Variants in TMEM181 observed in about 807,000 individuals in gnomAD.
TMEM181 encodes the protein transmembrane protein 181.
Under a neutral mutation model 71.9 loss-of-function variants are expected in TMEM181, and 39 were observed. The ratio of observed to expected loss-of-function variants is 0.54; its 90% CI spans 0.42 to 0.71. The LOEUF is 0.71. Ranked by LOEUF, TMEM181 falls within the 30% of genes least tolerant of loss-of-function variation. The pLI is 0.00. For synonymous variants in TMEM181, 245 were observed against 228.8 expected, an observed-to-expected ratio of 1.07 and a Z score of -0.64; for missense variants, 595 against 583.0, an observed-to-expected ratio of 1.02 and a Z score of -0.21.
At chr6:158,627,522 T>G (rs1165216318) in intron 13 of TMEM181, among the ~76,000 whole-genome samples, 1 of 152,186 alleles carries the variant, frequency 6.6e-6, no homozygotes, top group East Asian at 1.9e-4. Flanking sequence ...GGTTTGGGGA[T>G]GTATCTCTTG....
At chr6:158,583,802 TAAAAA>T (rs1304326583) in intron 3 of TMEM181, 147 bp from the exon 4 acceptor site, 3 of 551,840 alleles carry the variant, frequency 5.4e-6, no homozygotes, top group Middle Eastern at 4.8e-4. Flanking sequence ...TCCATCAAAA[TAAAAA>T]AAAGAAGGAA....
At chr6:158,629,300 T>C (rs1276575309) in intron 14 of TMEM181, among the ~76,000 whole-genome samples, 2 of 152,266 alleles carry the variant, frequency 1.3e-5, no homozygotes, top group African/African-American at 4.8e-5. Flanking sequence ...TAGGGGTCTG[T>C]AATCCAGAAA....
intron 10 of TMEM181, among the ~76,000 whole-genome samples, chr6:158,619,845 G>A (rs2128325418): frequency 6.8e-6 from 1 of 147,268 alleles, no homozygotes; most frequent in South Asian, 2.2e-4. Flanking sequence ...CTCCAGCCTG[G>A]CGACACAGCG....
chr6:158,549,110 C>CTTTTT (rs33969411), intron 1 of TMEM181, among the ~76,000 whole-genome samples: 1 of 67,510 alleles, frequency 1.5e-5, no homozygotes, highest in Non-Finnish European at 2.8e-5. Context: ...GTGCACACTT[C>CTTTTT]TTTTTTTTTT....
upstream of TMEM181, among the ~76,000 whole-genome samples, chr6:158,555,529 G>A (rs1000973464): frequency 1.3e-5 from 2 of 152,174 alleles, no homozygotes; most frequent in African/African-American, 4.8e-5. Context: ...AATAGAGATA[G>A]AGAATTTAGA....
exon 1 of TMEM181, chr6:158,536,692 A>T: frequency 6.5e-7 from 1 of 1,550,380 alleles, no homozygotes; most frequent in Non-Finnish European, 8.7e-7. Flanking sequence ...GCGGCGACAC[A>T]AAGGGTGGAG....
intron 10 of TMEM181, 49 bp downstream of exon 10, chr6:158,608,799 C>G (rs1232557281): frequency 6.3e-7 from 1 of 1,576,496 alleles, no homozygotes; most frequent in Non-Finnish European, 8.7e-7. Context: ...AAGCATTTGA[C>G]AAAAGTGGAA....
At chr6:158,607,521 T>G (rs1171042650) in intron 8 of TMEM181, among the ~76,000 whole-genome samples, 178 bp downstream of exon 8, 1 of 151,930 alleles carries the variant, frequency 6.6e-6, no homozygotes, top group Non-Finnish European at 1.5e-5. Context: ...AAAATAAAAT[T>G]TAGCTGGGCA....
At chr6:158,631,753 G>T in intron 16 of TMEM181, 57 bp from the exon 17 acceptor site, 1 of 1,520,866 alleles carries the variant, frequency 6.6e-7, no homozygotes, top group South Asian at 1.2e-5. Context: ...CAGTGTGGAA[G>T]AGGAAAATAA....
intron 3 of TMEM181, among the ~76,000 whole-genome samples, chr6:158,582,665 TA>T (rs1010040172): frequency 6.6e-6 from 1 of 151,386 alleles, no homozygotes. Context: ...GACCCTGTCT[TA>T]AAAAAGAAAA....
rs1784394703 is a variant in TMEM181 at position 158,596,443 on chromosome 6, C to T, written c.492+6661C>T. Among the ~76,000 whole-genome samples, 3 of 152,264 alleles carry T rather than the reference C, an allele frequency of 2.0e-5. No individual in the cohort carries two copies. The South Asian group carries it at 6.2e-4, about 32-fold the overall frequency. On this transcript the variant is annotated intron_variant, in intron 6 of 16. Transcript: ENST00000684151. Reference sequence around the variant, plus strand: ...CCTTGGGAAATCTTAGTTCTGAGTTCTGCATTCCTGGAGTCTGGGCTCCAT... The same window carrying T: ...CCTTGGGAAATCTTAGTTCTGAGTTTTGCATTCCTGGAGTCTGGGCTCCAT...
At position 158,628,148 on chromosome 6, in the gene TMEM181, CA is replaced by C. The variant is rs1396583379; in HGVS notation, c.1110-259del. The C allele has an allele frequency of 6.2e-6, 4 of 643,788 alleles. No individual in the cohort carries two copies. In the African/African-American group the frequency reaches 7.1e-5, roughly 12 times the overall value. The allele number at this position is 643,788 out of a possible 1,614,324, so 39.9% of individuals were successfully genotyped here. ...AGTAGGGAGAGTGTGATGGGGCCTGCAGCAGGGTTCATCCTGTCCCTGCAGC... is the reference window on the plus strand; with the variant it reads ...AGTAGGGAGAGTGTGATGGGGCCTGCGCAGGGTTCATCCTGTCCCTGCAGC... On this transcript the variant is annotated intron_variant, in intron 13 of 16. Transcript: ENST00000684151.
chr6:158,585,402 A>G lies in TMEM181; in HGVS notation c.358A>G (p.Thr120Ala), dbSNP rs1483390627. ...CATTCATAACAAAGTTCACAACCGGACAAGGACCCTCACATGTGCAGGGGT... is the reference window on the plus strand; with the variant it reads ...CATTCATAACAAAGTTCACAACCGGGCAAGGACCCTCACATGTGCAGGGGT... ...MYIHNKVHNR[T>A]RTLTCAGKCA... is the part of the protein sequence containing the mutation. The change falls in exon 5 of 17, where the codon ACA (threonine) becomes GCA (alanine). Residue 120 changes from threonine to alanine, a missense_variant. Physicochemically the swap from Thr to Ala is moderately conservative, Grantham distance 58 (BLOSUM62 0). Coordinates refer to ENST00000684151, the MANE Select transcript of TMEM181 (RefSeq NM_001376852.1). The G allele has an allele frequency of 1.9e-6, 3 of 1,610,800 alleles. No individual in the cohort carries two copies. The highest frequency in any genetic ancestry group is 2.2e-5 in the East Asian group (1 of 44,706).
chr6:158,619,117 C>A (rs1785798685), intron 10 of TMEM181, among the ~76,000 whole-genome samples: 1 of 152,238 alleles, frequency 6.6e-6, no homozygotes, highest in Non-Finnish European at 1.5e-5. Context: ...CTCTCTGTCA[C>A]TTTCAGATAC....
chr6:158,580,525 C>T (rs575291550), intron 2 of TMEM181, among the ~76,000 whole-genome samples: 44 of 152,174 alleles, frequency 2.9e-4, no homozygotes, highest in African/African-American at 7.5e-4. Context: ...TTTTGGAAGA[C>T]GGGATTAATT....
At chr6:158,558,295 A>C (rs544151152), upstream of TMEM181, among the ~76,000 whole-genome samples, 4 of 152,340 alleles carry the variant, frequency 2.6e-5, no homozygotes, top group East Asian at 7.7e-4. Context: ...TGTGGCCAGC[A>C]AATGTGCTTT....
At chr6:158,613,226 C>T (rs1368491723) in intron 10 of TMEM181, among the ~76,000 whole-genome samples, 2 of 152,182 alleles carry the variant, frequency 1.3e-5, no homozygotes, top group Non-Finnish European at 2.9e-5. Context: ...TAGAATTTAA[C>T]AGGTGTGCTA....
In TMEM181 at chr6:158,589,728, A is replaced by T; in HGVS notation, c.438A>T (p.Thr146=). The change falls in exon 6 of 17, where the codon ACA becomes ACT. Residue 146 remains threonine, a synonymous_variant. Coordinates refer to ENST00000684151, the MANE Select transcript of TMEM181 (RefSeq NM_001376852.1). The part of the protein sequence containing the change: ...HLGYLNYTQY[T]VIVGFEHLKL... ...GCTACCTGAACTACACTCAGTATACAGTGATAGTGGGATTTGAACACCTGA... is the reference window on the plus strand; with the variant it reads ...GCTACCTGAACTACACTCAGTATACTGTGATAGTGGGATTTGAACACCTGA... 6.2e-7 allele frequency: 1 copy of T among 1,614,208 alleles called. No individual in the cohort carries two copies. The highest frequency in any genetic ancestry group is 8.5e-7 in the Non-Finnish European group (1 of 1,180,034).
At chr6:158,561,307 G>C (rs1271202211) in intron 1 of TMEM181, among the ~76,000 whole-genome samples, 1 of 152,310 alleles carries the variant, frequency 6.6e-6, no homozygotes, top group Admixed American at 6.5e-5. Context: ...CACCTCTTGG[G>C]AAACTGGAAT....
Sources: gnomAD v4.1 joint callset for allele counts (sites outside exome capture counted in the v4.1 genomes callset) on GRCh38, gnomAD v4.1.1 for gene constraint, MANE v1.5 for transcripts, NCBI Gene and HGNC (gene_info 2026-07-23, HGNC 2026-07-21) for gene names.